The following SH3PXD2A variants were observed in gnomAD, a reference collection of about 807,000 sequenced individuals.
SH3PXD2A encodes the protein SH3 and PX domain-containing protein 2A.
In SH3PXD2A, 32 loss-of-function variants were observed where a neutral mutation model predicts 115.2. The ratio of observed to expected loss-of-function variants is 0.28; its 90% CI spans 0.21 to 0.37. The LOEUF (loss-of-function observed/expected upper bound fraction) is 0.37. Ranked by LOEUF, SH3PXD2A falls within the 10% of genes least tolerant of loss-of-function variation. The pLI is 1.00. For missense variants in SH3PXD2A, 1,328 were observed against 1,498.7 expected (o/e 0.89, Z 1.88); for synonymous variants, 610 against 629.1 (o/e 0.97, Z 0.45).
At chr10:103,793,635 G>GCTCAGCACATTCTGGAGCTGC (rs1392439469) in intron 2 of SH3PXD2A, among the ~76,000 whole-genome samples, 2 of 152,210 alleles carry the variant, frequency 1.3e-5, no homozygotes, top group Non-Finnish European at 2.9e-5. Flanking sequence ...AATGACCCAT[G>GCTCAGCACATTCTGGAGCTGC]CTCAGCACAT....
intron 10 of SH3PXD2A, among the ~76,000 whole-genome samples, chr10:103,621,050 TG>T (rs1478308756): frequency 1.3e-5 from 2 of 152,120 alleles, no homozygotes; most frequent in Admixed American, 1.3e-4. Context: ...GTATGTGTAT[TG>T]TGAGTGGCTG....
intron 9 of SH3PXD2A, among the ~76,000 whole-genome samples, chr10:103,626,808 T>C (rs1475266997): frequency 7.7e-6 from 1 of 129,784 alleles, no homozygotes; most frequent in Non-Finnish European, 1.6e-5. Context: ...GGGGGGTGGG[T>C]GGAAAAACAA....
intron 5 of SH3PXD2A, among the ~76,000 whole-genome samples, chr10:103,718,892 A>G (rs1053731864): frequency 2.0e-5 from 3 of 152,084 alleles, no homozygotes; most frequent in African/African-American, 7.2e-5. Flanking sequence ...GTTAAATCCT[A>G]ACGCCCAAGG....
Position 103,602,801 on chromosome 10 carries a change from G to C in SH3PXD2A, c.2417C>G (p.Thr806Arg). The C allele has an allele frequency of 6.2e-7, 1 of 1,614,140 alleles. No individual in the cohort carries two copies. The highest frequency in any genetic ancestry group is 8.5e-7 in the Non-Finnish European group (1 of 1,180,026). ...KSEDSELPPQ[T>R]ASEAPSEGSR... ...CCCCTCACTGGGAGCCTCGGAGGCC[G>C]TCTGCGGGGGCAGCTCCGAATCCTC... The change falls in exon 15 of 15, where the codon ACG (threonine) becomes AGG (arginine). Residue 806 changes from threonine (T) to arginine (R), a missense_variant. By Grantham distance (71) the Thr-to-Arg change is moderately conservative. Coordinates refer to ENST00000369774, the MANE Select transcript of SH3PXD2A (RefSeq NM_001394015.1).
intron 6 of SH3PXD2A, among the ~76,000 whole-genome samples, chr10:103,689,219 G>A (rs933456676): frequency 6.6e-6 from 1 of 152,122 alleles, no homozygotes; most frequent in Non-Finnish European, 1.5e-5. Flanking sequence ...TGTGGAGAAT[G>A]TCAGATAGAG....
At chr10:103,651,433 C>T (rs1455085913) in intron 8 of SH3PXD2A, among the ~76,000 whole-genome samples, 1 of 152,280 alleles carries the variant, frequency 6.6e-6, no homozygotes, top group Non-Finnish European at 1.5e-5. Context: ...CAACTGACCG[C>T]TGCTTTCCTG....
intron 5 of SH3PXD2A, among the ~76,000 whole-genome samples, chr10:103,712,060 A>G (rs1392657090): frequency 6.6e-6 from 1 of 152,042 alleles, no homozygotes; most frequent in Non-Finnish European, 1.5e-5. Context: ...TTAAAAAAAA[A>G]AAAAGGAAAG....
At chr10:103,741,895 A>G (rs2038447602) in intron 3 of SH3PXD2A, among the ~76,000 whole-genome samples, 1 of 152,206 alleles carries the variant, frequency 6.6e-6, no homozygotes, top group African/African-American at 2.4e-5. Context: ...CTGTAATCCC[A>G]GCTGTTTGGG....
At chr10:103,716,499 C>G (rs943236197) in intron 5 of SH3PXD2A, among the ~76,000 whole-genome samples, 1 of 152,210 alleles carries the variant, frequency 6.6e-6, no homozygotes, top group Non-Finnish European at 1.5e-5. Flanking sequence ...TCCTCCCATG[C>G]AATGTCAAGA....
At chr10:103,731,215 C>T (rs2038315926) in intron 4 of SH3PXD2A, among the ~76,000 whole-genome samples, 1 of 151,010 alleles carries the variant, frequency 6.6e-6, no homozygotes, top group Non-Finnish European at 1.5e-5. Flanking sequence ...GGCTGGAGTG[C>T]AGTGGTGCAA....
chr10:103,823,244 G>A (rs1392776622), intron 1 of SH3PXD2A, among the ~76,000 whole-genome samples: 1 of 152,212 alleles, frequency 6.6e-6, no homozygotes, highest in African/African-American at 2.4e-5. Context: ...GAGAGAGGAT[G>A]TGCCACGGAT....
intron 6 of SH3PXD2A, chr10:103,673,299 C>G (rs1023506708): frequency 1.3e-5 from 2 of 152,132 alleles, no homozygotes; most frequent in African/African-American, 4.8e-5. Context: ...CATGGTGGCT[C>G]GCGTCTGTAA....
chr10:103,646,600 C>G (rs1467902966), intron 8 of SH3PXD2A, among the ~76,000 whole-genome samples: 1 of 152,202 alleles, frequency 6.6e-6, no homozygotes, highest in Non-Finnish European at 1.5e-5. Context: ...GTCCCACAAC[C>G]AACCAGCAAC....
At chr10:103,688,451 A>T (rs534377174) in intron 6 of SH3PXD2A, among the ~76,000 whole-genome samples, 3 of 152,342 alleles carry the variant, frequency 2.0e-5, no homozygotes, top group Admixed American at 6.5e-5. Context: ...GAGTGTGGGA[A>T]GCGATGAGGA....
At chr10:103,678,876 CAT>C (rs2037573961) in intron 6 of SH3PXD2A, among the ~76,000 whole-genome samples, 1 of 152,176 alleles carries the variant, frequency 6.6e-6, no homozygotes, top group Admixed American at 6.5e-5. Flanking sequence ...TGGGCCAACA[CAT>C]ATTAATTAGA....
At chr10:103,820,024 T>C (rs2039361762) in intron 1 of SH3PXD2A, among the ~76,000 whole-genome samples, 1 of 152,146 alleles carries the variant, frequency 6.6e-6, no homozygotes, top group Non-Finnish European at 1.5e-5. Flanking sequence ...CTGCTCATTT[T>C]TGGACAGTTC....
intron 1 of SH3PXD2A, among the ~76,000 whole-genome samples, chr10:103,801,904 A>G (rs1049425962): frequency 6.6e-6 from 1 of 152,116 alleles, no homozygotes; most frequent in Non-Finnish European, 1.5e-5. Context: ...GGGTTTCGCC[A>G]TGTTGGCCAG....
At chr10:103,787,716 C>T (rs556334059) in intron 2 of SH3PXD2A, among the ~76,000 whole-genome samples, 1 of 152,354 alleles carries the variant, frequency 6.6e-6, no homozygotes, top group South Asian at 2.1e-4. Flanking sequence ...CACCCAAAGA[C>T]CCTCTGCCAG....
chr10:103,753,034 A>T (rs1286118325), intron 3 of SH3PXD2A, among the ~76,000 whole-genome samples: 1 of 152,146 alleles, frequency 6.6e-6, no homozygotes, highest in Non-Finnish European at 1.5e-5. Flanking sequence ...ATATATATAT[A>T]TTTAAATGAG....
Sources: allele counts gnomAD v4.1 joint callset (sites outside exome capture counted in the v4.1 genomes callset), GRCh38; gene constraint gnomAD v4.1.1; transcripts MANE v1.5; gene names NCBI Gene and HGNC (gene_info 2026-07-23, HGNC 2026-07-21).